Variants in PDE7A observed in about 807,000 individuals in gnomAD.
PDE7A encodes phosphodiesterase 7A.
A neutral mutation model predicts 64.3 loss-of-function variants in PDE7A; 39 were observed. The ratio of observed to expected loss-of-function variants is 0.61; its 90% CI spans 0.47 to 0.79. The LOEUF is 0.79. Ranked by LOEUF, PDE7A falls within the 30% of genes least tolerant of loss-of-function variation. The pLI is 0.00. For missense variants in PDE7A, 470 were observed against 582.8 expected (o/e 0.81, Z 1.99); for synonymous variants, 203 against 206.8 (o/e 0.98, Z 0.16).
intron 3 of PDE7A, among the ~76,000 whole-genome samples, chr8:65,754,384 A>G (rs970494553): frequency 7.9e-5 from 12 of 151,940 alleles, no homozygotes; most frequent in Non-Finnish European, 1.5e-4. Flanking sequence ...GACACTCACT[A>G]TTAACCATCA....
At chr8:65,749,208 A>C (rs1337578423) in intron 3 of PDE7A, among the ~76,000 whole-genome samples, 1 of 152,204 alleles carries the variant, frequency 6.6e-6, no homozygotes, top group Non-Finnish European at 1.5e-5. Flanking sequence ...ACAAATGATG[A>C]CTTTCAGAAC....
chr8:65,723,492 A>G (rs1585824275), intron 12 of PDE7A, 49 bp downstream of exon 12: 1 of 1,378,286 alleles, frequency 7.3e-7, no homozygotes, highest in East Asian at 2.7e-5. Context: ...CTTCTTGATA[A>G]AAACAGTGGC....
In PDE7A at chr8:65,739,503, T is replaced by C. The variant is rs143260680; in HGVS notation, c.594A>G (p.Leu198=). 1.1e-4 allele frequency: 166 copies of C among 1,551,754 alleles called. 2 individuals carry two copies. In the Admixed American group the frequency reaches 1.7e-3, roughly 16 times the overall value. ...HLDMMKLRRF[L]VMIQEDYHSQ... is the part of the protein sequence containing the mutation. ...TGTTAATGGGTTAGAATCACTTACC[T>C]AAAAATCTACGAAGTTTCATCATAT... Residue 198 remains leucine (L), a splice_region_variant and synonymous_variant, in exon 6 of 13, where the codon TTA becomes TTG. Transcript: ENST00000401827.
At chr8:65,759,015 A>G (rs1162333890) in intron 3 of PDE7A, among the ~76,000 whole-genome samples, 1 of 152,130 alleles carries the variant, frequency 6.6e-6, no homozygotes, top group Non-Finnish European at 1.5e-5. Flanking sequence ...GGCAAAAGGA[A>G]CATGTCTTGA....
At chr8:65,810,045 C>T (rs1810214445) in intron 1 of PDE7A, among the ~76,000 whole-genome samples, 1 of 152,132 alleles carries the variant, frequency 6.6e-6, no homozygotes, top group South Asian at 2.1e-4. Context: ...GACACATGCA[C>T]ACATATGTTT....
chr8:65,751,133 C>T (rs912006472), intron 3 of PDE7A, among the ~76,000 whole-genome samples: 8 of 152,216 alleles, frequency 5.3e-5, no homozygotes, highest in African/African-American at 1.9e-4. Context: ...CCTACAGGGT[C>T]TGAGGGCCTC....
chr8:65,821,316 AG>A (rs1478869186), intron 1 of PDE7A, among the ~76,000 whole-genome samples: 3 of 152,218 alleles, frequency 2.0e-5, no homozygotes, highest in Admixed American at 1.3e-4. Flanking sequence ...AAGAAGGATG[AG>A]CACTGTTCCC....
At chr8:65,836,081 T>C (rs1810943505) in intron 1 of PDE7A, among the ~76,000 whole-genome samples, 1 of 152,114 alleles carries the variant, frequency 6.6e-6, no homozygotes, top group Non-Finnish European at 1.5e-5. Context: ...ACAAAACAGG[T>C]GTTTTGAGAA....
In PDE7A at chr8:65,739,485, G is replaced by T. The variant is rs764201252; in HGVS notation, c.595+17C>A. On this transcript the variant is annotated intron_variant, in intron 6 of 12. Transcript: ENST00000401827. The stretch of plus-strand genomic sequence containing the variant: ...AAATGTAAATCTTGTTACTGTTAAT[G>T]GGTTAGAATCACTTACCTAAAAATC... The T allele has an allele frequency of 1.2e-5, 19 of 1,535,976 alleles. No individual in the cohort carries two copies. The highest frequency in any genetic ancestry group is 4.7e-5 in the Admixed American group (2 of 42,376).
intron 5 of PDE7A, among the ~76,000 whole-genome samples, chr8:65,743,138 G>T (rs755868738): frequency 6.6e-6 from 1 of 152,208 alleles, no homozygotes; most frequent in Non-Finnish European, 1.5e-5. Flanking sequence ...GAGAGTTTAT[G>T]TAAGGCTAAA....
In PDE7A at chr8:65,763,823, C is replaced by T. The variant is rs2128916021; in HGVS notation, c.283+15897G>A. 2.6e-5 allele frequency among the ~76,000 whole-genome samples: 4 copies of T among 152,298 alleles called. 1 individual carries two copies. In the Middle Eastern group the frequency reaches 0.01, roughly 389 times the overall value. The stretch of plus-strand genomic sequence containing the variant: ...AAATAAAGCTGAATTTCCAATGTCA[C>T]CAACTTGCCAAAGCACAAGTAAAAT... On this transcript the variant is annotated intron_variant, in intron 3 of 12. Coordinates refer to ENST00000401827, the MANE Select transcript of PDE7A (RefSeq NM_001242318.3).
chr8:65,837,640 TGTG>T (rs1416586082), intron 1 of PDE7A, among the ~76,000 whole-genome samples: 2 of 152,248 alleles, frequency 1.3e-5, no homozygotes, highest in African/African-American at 2.4e-5. Context: ...TTAACACCCA[TGTG>T]GTTGATCTGT....
intron 3 of PDE7A, among the ~76,000 whole-genome samples, chr8:65,772,914 G>T (rs1336558139): frequency 6.6e-6 from 1 of 152,064 alleles, no homozygotes; most frequent in Non-Finnish European, 1.5e-5. Flanking sequence ...AGGCTGAGGT[G>T]GGAGAATCAC....
chr8:65,827,525 A>G (rs1810707249), intron 1 of PDE7A, among the ~76,000 whole-genome samples: 1 of 152,108 alleles, frequency 6.6e-6, no homozygotes, highest in African/African-American at 2.4e-5. Context: ...AATTTTCTTC[A>G]TTTTTCATTA....
chr8:65,790,107 C>A (rs965487302), intron 1 of PDE7A, among the ~76,000 whole-genome samples: 1 of 152,118 alleles, frequency 6.6e-6, no homozygotes, highest in Non-Finnish European at 1.5e-5. Flanking sequence ...ATTGTGCAGA[C>A]GAAGAACAGG....
At chr8:65,743,418 G>C (rs1284708328) in intron 5 of PDE7A, among the ~76,000 whole-genome samples, 1 of 152,188 alleles carries the variant, frequency 6.6e-6, no homozygotes, top group African/African-American at 2.4e-5. Flanking sequence ...CAAAGGAAAA[G>C]TAGAAGAGAG....
rs1345574582 is a variant in PDE7A at position 65,715,903 on chromosome 8, A to C, written c.*3387T>G. Among the ~76,000 whole-genome samples, 4 of 145,228 alleles carry C rather than the reference A, an allele frequency of 2.8e-5. No homozygotes were observed. Among genetic ancestry groups the C allele is most frequent in the African/African-American group, 1.0e-4 (4 of 39,464 alleles). On this transcript the variant is annotated 3_prime_UTR_variant, in exon 13 of 13. Coordinates refer to ENST00000401827, the MANE Select transcript of PDE7A (RefSeq NM_001242318.3). ...CCTGGGAGACTGAGGCAGGAGAATG[A>C]GGAGAATGGCGTGAACCCGGGAGGC... is the stretch of plus-strand genomic sequence containing the variant.
chr8:65,787,115 T>C (rs192069056), intron 1 of PDE7A, among the ~76,000 whole-genome samples: 1 of 152,356 alleles, frequency 6.6e-6, no homozygotes, highest in East Asian at 1.9e-4. Context: ...ATTGTTTTTA[T>C]TTTGTTCCAA....
chr8:65,811,793 C>T (rs930309730), intron 1 of PDE7A, among the ~76,000 whole-genome samples: 5 of 151,946 alleles, frequency 3.3e-5, no homozygotes, highest in African/African-American at 4.8e-5. Context: ...TAAACATACA[C>T]GCAAGGTCAG....
Sources: allele counts gnomAD v4.1 joint callset (sites outside exome capture counted in the v4.1 genomes callset), GRCh38; gene constraint gnomAD v4.1.1; transcripts MANE v1.5; gene names NCBI Gene and HGNC (gene_info 2026-07-23, HGNC 2026-07-21).